Variants in PDE6A observed in about 807,000 individuals in gnomAD.
PDE6A encodes phosphodiesterase 6A.
In PDE6A, 84 loss-of-function variants were observed where a neutral mutation model predicts 106.3. That is an observed-to-expected ratio of 0.79 (90% confidence interval 0.66 to 0.95). PDE6A has a LOEUF of 0.95. PDE6A is among the 40% of genes least tolerant of loss of function. The pLI, the probability that PDE6A is intolerant of heterozygous loss-of-function variation, is 0.00. For synonymous variants in PDE6A, 394 were observed against 386.6 expected (o/e 1.02, Z -0.23); for missense variants, 1,052 against 1,084.9 (o/e 0.97, Z 0.43).
chr5:149,896,292 T>C, intron 12 of PDE6A, 64 bp downstream of exon 12: 2 of 1,398,574 alleles, frequency 1.4e-6, no homozygotes, highest in Non-Finnish European at 2.0e-6. Flanking sequence ...ATTGAGTCTT[T>C]TTTTTAAAGC....
chr5:149,877,625 G>T (rs1291848788), intron 17 of PDE6A, among the ~76,000 whole-genome samples: 2 of 152,108 alleles, frequency 1.3e-5, no homozygotes, highest in Non-Finnish European at 2.9e-5. Context: ...GGCCAGACTG[G>T]TCTCGAACTC....
chr5:149,940,150 T>C (rs1313643102), intron 1 of PDE6A: 1 of 152,214 alleles, frequency 6.6e-6, no homozygotes, highest in Non-Finnish European at 1.5e-5. Flanking sequence ...CCACTTTCTA[T>C]CTGCATAATC....
chr5:149,870,798 ATCACAATATGCTAAGTAGAATGGC>A (rs1760510603), intron 17 of PDE6A, among the ~76,000 whole-genome samples: 2 of 150,308 alleles, frequency 1.3e-5, no homozygotes, highest in African/African-American at 2.5e-5. Context: ...AAAAACTGTC[ATCACAATATGCTAAGTAGAATGGC>A]AGAAAAAGGT....
intron 18 of PDE6A, 62 bp from the exon 19 acceptor site, chr5:149,867,861 C>T: frequency 3.4e-6 from 5 of 1,477,716 alleles, no homozygotes; most frequent in Non-Finnish European, 3.8e-6. Flanking sequence ...CCTACCCCTG[C>T]TCCCACCCCA....
chr5:149,866,259 A>G lies in PDE6A; in HGVS notation c.2275-6T>C, dbSNP rs1760328481. The G allele has an allele frequency of 1.2e-6, 2 of 1,610,056 alleles. No individual in the cohort carries two copies. Among genetic ancestry groups the G allele is most frequent in the South Asian group, 2.2e-5 (2 of 90,990 alleles). On this transcript the variant is annotated splice_region_variant and splice_polypyrimidine_tract_variant and intron_variant, in intron 19 of 21. Coordinates refer to ENST00000255266, the MANE Select transcript of PDE6A (RefSeq NM_000440.3). ...TTGTTTCTGTCCATCATGGGCTGTC[A>G]TGGGGGAGAAAGAGTTAATTGCACT...
At chr5:149,892,493 CTTT>C (rs56059807) in intron 13 of PDE6A, among the ~76,000 whole-genome samples, 10 of 135,468 alleles carry the variant, frequency 7.4e-5, no homozygotes, top group Admixed American at 7.4e-5. Flanking sequence ...CTTTTCTTTC[CTTT>C]TTTTTTTTTT....
chr5:149,934,002 G>T lies in PDE6A; in HGVS notation c.645C>A (p.Leu215=). The change falls in exon 3 of 22, where the codon CTC becomes CTA. Residue 215 remains leucine (L), a synonymous_variant. Coordinates refer to ENST00000255266, the MANE Select transcript of PDE6A (RefSeq NM_000440.3). ...CCTTCATGATTAGATTTGCAAAATT[G>T]AGGTACTTGAGAAGAATCTAAAAAT... ...KRDEEILLKY[L]NFANLIMKVY... is the part of the protein sequence containing the mutation. 6.2e-7 allele frequency: 1 copy of T among 1,609,470 alleles called. No homozygotes were observed.
intron 4 of PDE6A, 122 bp downstream of exon 4, chr5:149,930,906 A>T: frequency 9.7e-7 from 1 of 1,028,838 alleles, no homozygotes; most frequent in Non-Finnish European, 1.5e-6. Context: ...AAGACTTTCT[A>T]CAACCATCCC....
At chr5:149,883,886 GTTA>G (rs139910131) in intron 16 of PDE6A, among the ~76,000 whole-genome samples, 215 of 152,250 alleles carry the variant, frequency 1.4e-3, no homozygotes, top group African/African-American at 5.0e-3. Flanking sequence ...TATGATGTTT[GTTA>G]TTATTATTGT....
intron 4 of PDE6A, among the ~76,000 whole-genome samples, chr5:149,927,228 C>T (rs1753889837): frequency 6.6e-6 from 1 of 151,974 alleles, no homozygotes. Context: ...AATCATACAC[C>T]TATAAAGGGC....
intron 4 of PDE6A, among the ~76,000 whole-genome samples, chr5:149,924,995 G>A (rs1424616365): frequency 6.6e-6 from 1 of 152,148 alleles, no homozygotes; most frequent in African/African-American, 2.4e-5. Flanking sequence ...AGCAGACCAG[G>A]CCTCACGAAG....
chr5:149,911,362 G>C (rs1021109322), intron 6 of PDE6A, among the ~76,000 whole-genome samples: 1 of 151,948 alleles, frequency 6.6e-6, no homozygotes, highest in Non-Finnish European at 1.5e-5. Context: ...TTTGTTCTTT[G>C]TTCCTATAAA....
chr5:149,890,069 C>T (rs1204897863), intron 13 of PDE6A, among the ~76,000 whole-genome samples: 1 of 151,160 alleles, frequency 6.6e-6, no homozygotes, highest in Non-Finnish European at 1.5e-5. Flanking sequence ...GATTCTCCTG[C>T]CTCACCCTCC....
At chr5:149,874,555 C>A (rs530014872) in intron 17 of PDE6A, among the ~76,000 whole-genome samples, 1 of 152,062 alleles carries the variant, frequency 6.6e-6, no homozygotes, top group Non-Finnish European at 1.5e-5. Context: ...TTGTATGGAG[C>A]TTTTTTTGTT....
chr5:149,896,333 A>G (rs1412616517), intron 12 of PDE6A, 23 bp downstream of exon 12: 3 of 1,584,424 alleles, frequency 1.9e-6, no homozygotes, highest in African/African-American at 2.7e-5. Flanking sequence ...AAGGGAAATC[A>G]TATATATTTG....
At chr5:149,867,272 C>T (rs1760364960) in intron 19 of PDE6A, 1 of 222,220 alleles carries the variant, frequency 4.5e-6, no homozygotes, top group South Asian at 7.4e-5. Context: ...ACTGTCTCAG[C>T]CAAGTTAACT....
intron 20 of PDE6A, among the ~76,000 whole-genome samples, chr5:149,865,935 T>G (rs1760315023): frequency 6.6e-6 from 1 of 152,206 alleles, no homozygotes; most frequent in Non-Finnish European, 1.5e-5. Flanking sequence ...TGCTTAGTCA[T>G]TTGCCCCACA....
chr5:149,903,630 A>C lies in PDE6A; in HGVS notation c.1113+18T>G. The C allele has an allele frequency of 6.2e-7, 1 of 1,604,424 alleles. No individual in the cohort carries two copies. Among genetic ancestry groups the C allele is most frequent in the Non-Finnish European group, 8.5e-7 (1 of 1,171,178 alleles). On this transcript the variant is annotated intron_variant, in intron 8 of 21. Transcript: ENST00000255266. ...AAAAAAATCATATGACTAAGACTGC[A>C]AATAAAAAATGACTTACCTGAAATG... is the stretch of plus-strand genomic sequence containing the variant.
intron 7 of PDE6A, among the ~76,000 whole-genome samples, chr5:149,906,906 G>T (rs372625665): frequency 1.8e-4 from 27 of 152,128 alleles, no homozygotes; most frequent in African/African-American, 6.5e-4. Context: ...CAAGTAGCTG[G>T]GATTACAGGC....
Sources: gnomAD v4.1 joint callset for allele counts (sites outside exome capture counted in the v4.1 genomes callset) on GRCh38, gnomAD v4.1.1 for gene constraint, MANE v1.5 for transcripts, NCBI Gene and HGNC (gene_info 2026-07-23, HGNC 2026-07-21) for gene names.